The following FIP1L1 variants were observed in gnomAD, a reference collection of about 807,000 sequenced individuals.
The protein encoded by FIP1L1 is factor interacting with PAPOLA and CPSF1.
A neutral mutation model predicts 84.6 loss-of-function variants in FIP1L1; 21 were observed. The observed-to-expected ratio is 0.25, with a 90% CI of 0.18 to 0.36. The LOEUF (loss-of-function observed/expected upper bound fraction) is 0.36. Among genes scored for constraint, FIP1L1 ranks in the 10% least tolerant of loss-of-function variants. The pLI, the probability that FIP1L1 is intolerant of heterozygous loss-of-function variation, is 1.00. For missense variants in FIP1L1, 526 were observed against 751.1 expected (o/e 0.70, Z 3.50); for synonymous variants, 263 against 242.3 (o/e 1.09, Z -0.80).
intron 10 of FIP1L1, among the ~76,000 whole-genome samples, chr4:53,414,196 C>G (rs2149754452): frequency 6.6e-6 from 1 of 152,142 alleles, no homozygotes; most frequent in Middle Eastern, 3.4e-3. Context: ...ACTGGTTGCA[C>G]TAACAATACT....
intron 15 of FIP1L1, 86 bp downstream of exon 15, chr4:53,444,189 GT>G: frequency 1.1e-6 from 1 of 889,876 alleles, no homozygotes; most frequent in Non-Finnish European, 1.9e-6. Context: ...CGTGTTCATG[GT>G]TTAACATCTT....
rs181735792 is a variant in FIP1L1 at position 53,391,493 on chromosome 4, T to G, written c.700T>G (p.Phe234Val). The change falls in exon 9 of 18, where the codon TTT (phenylalanine) becomes GTT (valine). Residue 234 changes from phenylalanine (F) to valine (V), a missense_variant. Coordinates refer to ENST00000337488, the MANE Select transcript of FIP1L1 (RefSeq NM_030917.4). ...AEIQDGRFNL[F>V]KVQQGRTGNS... ...GATCCAAGATGGCAGATTCAATCTT[T>G]TTAAGGTGAATTTTAGTAAATTATC... 3 of 1,611,476 alleles carry G rather than the reference T, an allele frequency of 1.9e-6. No homozygotes were observed. In the East Asian group the frequency reaches 6.7e-5, roughly 36 times the overall value.
At chr4:53,379,404 T>C in intron 3 of FIP1L1, 140 bp downstream of exon 3, 1 of 770,096 alleles carries the variant, frequency 1.3e-6, no homozygotes, top group Non-Finnish European at 2.1e-6. Context: ...TTGAATCCTT[T>C]AAGGATTATT....
At chr4:53,399,166 A>G (rs1531748) in intron 9 of FIP1L1, among the ~76,000 whole-genome samples, 105,604 of 152,058 alleles carry the variant, frequency 0.69, 36,748 homozygotes, top group Middle Eastern at 0.72. Context: ...ACAGATGATT[A>G]ACTTCAAGCT....
chr4:53,379,300 G>C, intron 3 of FIP1L1, 36 bp downstream of exon 3: 2 of 1,530,100 alleles, frequency 1.3e-6, no homozygotes, highest in Non-Finnish European at 1.8e-6. Context: ...TATTACACAG[G>C]TTGTGTGAAA....
At chr4:53,383,645 A>C in intron 4 of FIP1L1, 128 bp from the exon 5 acceptor site, 2 of 886,926 alleles carry the variant, frequency 2.3e-6, no homozygotes, top group Admixed American at 3.1e-5. Flanking sequence ...CGGGGCGACA[A>C]AGTGAGAGTC....
chr4:53,452,357 C>T (rs1190336945), intron 15 of FIP1L1, among the ~76,000 whole-genome samples: 3 of 151,116 alleles, frequency 2.0e-5, no homozygotes, highest in African/African-American at 4.9e-5. Context: ...CTCACTCTGT[C>T]GCCCAGGCTA....
intron 16 of FIP1L1, among the ~76,000 whole-genome samples, chr4:53,456,579 T>C (rs1274044043): frequency 6.6e-6 from 1 of 152,152 alleles, no homozygotes; most frequent in African/African-American, 2.4e-5. Context: ...TATGTTGCTT[T>C]ACAAATTACA....
chr4:53,424,130 A>G (rs1763444392), intron 11 of FIP1L1, among the ~76,000 whole-genome samples: 1 of 152,196 alleles, frequency 6.6e-6, no homozygotes, highest in Non-Finnish European at 1.5e-5. Context: ...GTGATTGGCA[A>G]GAGAAAATAG....
chr4:53,450,663 C>T (rs779767587), intron 15 of FIP1L1, among the ~76,000 whole-genome samples: 25 of 152,126 alleles, frequency 1.6e-4, no homozygotes, highest in Non-Finnish European at 2.8e-4. Context: ...ACAGCAAGAC[C>T]TCATCTCTTA....
chr4:53,398,475 G>A (rs1748565541), intron 9 of FIP1L1, among the ~76,000 whole-genome samples: 1 of 152,188 alleles, frequency 6.6e-6, no homozygotes, highest in African/African-American at 2.4e-5. Context: ...TAGTTGGGAG[G>A]TAGATGATTT....
intron 6 of FIP1L1, 82 bp downstream of exon 6, chr4:53,389,955 C>T (rs1366823048): frequency 3.1e-5 from 32 of 1,045,608 alleles, no homozygotes; most frequent in East Asian, 2.3e-4. Flanking sequence ...TTTTTTTAGT[C>T]GGGGACAGAG....
intron 10 of FIP1L1, among the ~76,000 whole-genome samples, chr4:53,414,278 A>G (rs1271092743): frequency 1.3e-5 from 2 of 152,128 alleles, no homozygotes; most frequent in African/African-American, 4.8e-5. Context: ...AATTGCAAAA[A>G]TTAATATTAA....
At chr4:53,416,281 T>C (rs1280641991) in intron 11 of FIP1L1, among the ~76,000 whole-genome samples, 1 of 152,230 alleles carries the variant, frequency 6.6e-6, no homozygotes, top group African/African-American at 2.4e-5. Context: ...CAAGAACTTA[T>C]AAATTTATCA....
chr4:53,396,547 A>C (rs541540333), intron 9 of FIP1L1, among the ~76,000 whole-genome samples: 61 of 152,200 alleles, frequency 4.0e-4, no homozygotes, highest in Non-Finnish European at 6.9e-4. Flanking sequence ...CTGGGATTAC[A>C]GGCGCCTGCC....
chr4:53,419,785 A>G (rs10011259), intron 11 of FIP1L1, among the ~76,000 whole-genome samples: 105,498 of 151,936 alleles, frequency 0.69, 36,701 homozygotes, highest in Middle Eastern at 0.72. Context: ...GATTAAATAA[A>G]TTCTAAGCTG....
At position 53,391,003 on chromosome 4, in the gene FIP1L1, C is replaced by T; in HGVS notation, c.506-6C>T. On this transcript the variant is annotated splice_polypyrimidine_tract_variant and splice_region_variant and intron_variant, in intron 7 of 17. Transcript: ENST00000337488. Reference sequence around the variant, plus strand: ...TTTGTACACTAAAGTTGTGTTTTATCTTTAGGTGCTGATCTTTCTGATTAT... The same window carrying T: ...TTTGTACACTAAAGTTGTGTTTTATTTTTAGGTGCTGATCTTTCTGATTAT... 1 of 1,583,918 alleles carries T rather than the reference C, an allele frequency of 6.3e-7. No homozygotes were observed. The highest frequency in any genetic ancestry group is 8.6e-7 in the Non-Finnish European group (1 of 1,169,036).
chr4:53,418,082 A>G (rs1760633176), intron 11 of FIP1L1, among the ~76,000 whole-genome samples: 1 of 151,876 alleles, frequency 6.6e-6, no homozygotes. Context: ...TGAGCTCAGG[A>G]GTTTGAGACC....
intron 1 of FIP1L1, 132 bp downstream of exon 1, chr4:53,378,055 A>C: frequency 1.3e-6 from 1 of 796,940 alleles, no homozygotes; most frequent in Non-Finnish European, 1.8e-6. Flanking sequence ...GGCCTGACTT[A>C]GGCCGAGCGC....
Sources: allele counts gnomAD v4.1 joint callset (sites outside exome capture counted in the v4.1 genomes callset), GRCh38; gene constraint gnomAD v4.1.1; transcripts MANE v1.5; gene names NCBI Gene and HGNC (gene_info 2026-07-23, HGNC 2026-07-21).